ZNF804A: variants seen among roughly 807,000 people sequenced by gnomAD.
ZNF804A encodes zinc finger protein 804A.
Under a neutral mutation model 16.5 loss-of-function variants are expected in ZNF804A, and 2 were observed. The observed-to-expected ratio is 0.12, with a 90% CI of 0.05 to 0.38. The LOEUF (loss-of-function observed/expected upper bound fraction) is 0.38. Among genes scored for constraint, ZNF804A ranks in the 10% least tolerant of loss-of-function variants. The pLI, the probability that ZNF804A is intolerant of heterozygous loss-of-function variation, is 0.99. For synonymous variants in ZNF804A, 534 were observed against 489.6 expected (o/e 1.09, Z -1.20); for missense variants, 1,473 against 1,390.7 (o/e 1.06, Z -0.94).
At chr2:184,891,858 A>G (rs1403836279) in intron 2 of ZNF804A, among the ~76,000 whole-genome samples, 1 of 152,216 alleles carries the variant, frequency 6.6e-6, no homozygotes, top group African/African-American at 2.4e-5. Flanking sequence ...AAAATTATAA[A>G]TTGACGTGAC....
intron 1 of ZNF804A, among the ~76,000 whole-genome samples, chr2:184,714,394 C>T (rs1217674131): frequency 6.6e-6 from 1 of 152,060 alleles, no homozygotes; most frequent in East Asian, 1.9e-4. Context: ...ACTCATATGT[C>T]TACAGCTACA....
rs201280366 is a variant in ZNF804A at position 184,640,222 on chromosome 2, AAGG to A, written c.111+41169_111+41171del. 2.9e-3 allele frequency among the ~76,000 whole-genome samples: 433 copies of A among 151,452 alleles called. 8 individuals carry two copies. The East Asian group carries it at 0.064, about 22-fold the overall frequency. ...GGAGCAGGGGAAAAGAACGAGGAAGAAGGAGGAGGAGGAGGAGGAAGAGGAGGA... is the reference window on the plus strand; with the variant it reads ...GGAGCAGGGGAAAAGAACGAGGAAGAAGGAGGAGGAGGAGGAAGAGGAGGA... On this transcript the variant is annotated intron_variant, in intron 1 of 3. Transcript: ENST00000302277.
At chr2:184,707,626 T>G (rs1331655437) in intron 1 of ZNF804A, among the ~76,000 whole-genome samples, 4 of 152,162 alleles carry the variant, frequency 2.6e-5, no homozygotes, top group Non-Finnish European at 5.9e-5. Flanking sequence ...GATTTTATTC[T>G]TTTTATGGCT....
intron 1 of ZNF804A, among the ~76,000 whole-genome samples, chr2:184,789,279 T>C (rs1327133954): frequency 6.6e-6 from 1 of 152,104 alleles, no homozygotes; most frequent in Admixed American, 6.6e-5. Context: ...ATCAGTGATA[T>C]TGGTTTGTAG....
chr2:184,679,312 G>A lies in ZNF804A; in HGVS notation c.111+80242G>A, dbSNP rs1482402558. On this transcript the variant is annotated intron_variant, in intron 1 of 3. Coordinates refer to ENST00000302277, the MANE Select transcript of ZNF804A (RefSeq NM_194250.2). ...TAATAGACAAGGTAGATGGGTCATT[G>A]CGATGGCAGCGGGGACCCATTTGTA... 2.6e-5 allele frequency among the ~76,000 whole-genome samples: 4 copies of A among 152,218 alleles called. No individual in the cohort carries two copies. The East Asian group carries it at 7.7e-4, about 29-fold the overall frequency.
chr2:184,722,694 G>A (rs1326882508), intron 1 of ZNF804A, among the ~76,000 whole-genome samples: 1 of 151,934 alleles, frequency 6.6e-6, no homozygotes, highest in Non-Finnish European at 1.5e-5. Flanking sequence ...TTGTATACCT[G>A]TAACTTTGAT....
intron 1 of ZNF804A, among the ~76,000 whole-genome samples, chr2:184,726,777 C>T (rs968521259): frequency 4.6e-5 from 7 of 151,206 alleles, no homozygotes; most frequent in African/African-American, 1.5e-4. Flanking sequence ...CACAGTTATC[C>T]CTTGAATAAA....
intron 1 of ZNF804A, among the ~76,000 whole-genome samples, chr2:184,681,131 C>A (rs1220946710): frequency 6.6e-6 from 1 of 152,178 alleles, no homozygotes; most frequent in African/African-American, 2.4e-5. Context: ...TAGCACAAGC[C>A]TGAATGCAGG....
At chr2:184,660,793 A>G (rs991424426) in intron 1 of ZNF804A, among the ~76,000 whole-genome samples, 9 of 152,264 alleles carry the variant, frequency 5.9e-5, no homozygotes, top group Non-Finnish European at 8.8e-5. Flanking sequence ...CAATAAGAGA[A>G]TTATTGAATA....
chr2:184,719,680 G>T (rs975234815), intron 1 of ZNF804A, among the ~76,000 whole-genome samples: 2 of 151,992 alleles, frequency 1.3e-5, no homozygotes, highest in African/African-American at 4.8e-5. Flanking sequence ...ACATATCAAG[G>T]GTCACCTTTG....
rs548536476 is a variant in ZNF804A at position 184,631,158 on chromosome 2, C to A, written c.111+32088C>A. Among the ~76,000 whole-genome samples, 27 of 152,200 alleles carry A rather than the reference C, an allele frequency of 1.8e-4. No homozygotes were observed. In the South Asian group the frequency reaches 5.6e-3, roughly 31 times the overall value. ...CCATTCAAGCTTCCAAATCAGCTTG[C>A]AAACTTTGTACATTTCTAGGTTTCT... On this transcript the variant is annotated intron_variant, in intron 1 of 3. Coordinates refer to ENST00000302277, the MANE Select transcript of ZNF804A (RefSeq NM_194250.2).
chr2:184,777,904 G>C (rs1399033727), intron 1 of ZNF804A, among the ~76,000 whole-genome samples: 2 of 151,578 alleles, frequency 1.3e-5, no homozygotes, highest in Non-Finnish European at 3.0e-5. Context: ...AAAAATATTA[G>C]CTAAATTAGG....
rs185419232 is a variant in ZNF804A at position 184,794,218 on chromosome 2, T to A, written c.112-72151T>A. Among the ~76,000 whole-genome samples, 477 of 152,254 alleles carry A rather than the reference T, an allele frequency of 3.1e-3. 17 individuals are homozygous for A. Among genetic ancestry groups the A allele is most frequent in the East Asian group, 0.02 (102 of 5,178 alleles). On this transcript the variant is annotated intron_variant, in intron 1 of 3. Transcript: ENST00000302277. ...GTAGAAGTATTCCCTTTTCACTGCATCCACGTCAACATCTAAATTTTTAAT... is the reference window on the plus strand; with the variant it reads ...GTAGAAGTATTCCCTTTTCACTGCAACCACGTCAACATCTAAATTTTTAAT...
At chr2:184,627,627 T>G (rs979897040) in intron 1 of ZNF804A, among the ~76,000 whole-genome samples, 1 of 152,204 alleles carries the variant, frequency 6.6e-6, no homozygotes, top group Admixed American at 6.5e-5. Context: ...AAATGTATTA[T>G]ATAAATCTTA....
chr2:184,864,326 C>G (rs576352416), intron 1 of ZNF804A, among the ~76,000 whole-genome samples: 1 of 152,250 alleles, frequency 6.6e-6, no homozygotes, highest in African/African-American at 2.4e-5. Flanking sequence ...GAACTTACCT[C>G]AATCCTCCAT....
intron 1 of ZNF804A, among the ~76,000 whole-genome samples, chr2:184,780,152 C>T (rs1280390274): frequency 6.6e-6 from 1 of 151,638 alleles, no homozygotes; most frequent in South Asian, 2.1e-4. Flanking sequence ...AAGAACATGC[C>T]CAGTAAAATG....
intron 1 of ZNF804A, among the ~76,000 whole-genome samples, chr2:184,646,321 GCAGTGAGA>G (rs1287831252): frequency 6.6e-6 from 1 of 152,186 alleles, no homozygotes; most frequent in African/African-American, 2.4e-5. Context: ...TTTCTCTTCG[GCAGTGAGA>G]CTTGCAGCCA....
At chr2:184,903,535 T>C (rs772769178) in intron 2 of ZNF804A, among the ~76,000 whole-genome samples, 1 of 152,096 alleles carries the variant, frequency 6.6e-6, no homozygotes, top group African/African-American at 2.4e-5. Flanking sequence ...GGTTGCACAG[T>C]GACAAAATCA....
chr2:184,705,133 T>C (rs1361168315), intron 1 of ZNF804A, among the ~76,000 whole-genome samples: 1 of 152,158 alleles, frequency 6.6e-6, no homozygotes, highest in Non-Finnish European at 1.5e-5. Flanking sequence ...GCCTGGATGA[T>C]AGGAAATATG....
Sources: allele counts gnomAD v4.1 joint callset (sites outside exome capture counted in the v4.1 genomes callset), GRCh38; gene constraint gnomAD v4.1.1; transcripts MANE v1.5; gene names NCBI Gene and HGNC (gene_info 2026-07-23, HGNC 2026-07-21).